Variants in EYS observed in about 807,000 individuals in gnomAD.
EYS encodes the protein protein eyes shut homolog.
Under a neutral mutation model 282.1 loss-of-function variants are expected in EYS, and 250 were observed. The ratio of observed to expected loss-of-function variants is 0.89; its 90% CI spans 0.80 to 0.98. The LOEUF is 0.98. Ranked by LOEUF, EYS falls within the 50% of genes least tolerant of loss-of-function variation. The pLI is 0.00. For missense variants in EYS, 4,016 were observed against 3,709.0 expected (o/e 1.08, Z -2.15); for synonymous variants, 1,355 against 1,282.9 (o/e 1.06, Z -1.20).
At chr6:65,098,153 C>T (rs1774793515) in intron 12 of EYS, among the ~76,000 whole-genome samples, 1 of 149,984 alleles carries the variant, frequency 6.7e-6, no homozygotes, top group African/African-American at 2.4e-5. Flanking sequence ...AAGGAAGAGG[C>T]GCAATATAAG....
chr6:65,355,474 A>C (rs1764445086), intron 8 of EYS, among the ~76,000 whole-genome samples: 1 of 152,164 alleles, frequency 6.6e-6, no homozygotes, highest in East Asian at 1.9e-4. Flanking sequence ...AACAAATAAG[A>C]CTTGATTAAC....
intron 7 of EYS, among the ~76,000 whole-genome samples, chr6:65,385,417 G>C (rs1384175937): frequency 1.3e-5 from 2 of 151,962 alleles, no homozygotes; most frequent in African/African-American, 4.8e-5. Flanking sequence ...CTTTCCTATA[G>C]TTTGAGGCAC....
chr6:64,223,263 T>C (rs1766156203), intron 31 of EYS, among the ~76,000 whole-genome samples: 1 of 152,064 alleles, frequency 6.6e-6, no homozygotes, highest in African/African-American at 2.4e-5. Context: ...TGATATTTTC[T>C]ACTTTCCATT....
Position 64,214,628 on chromosome 6 carries a change from G to C in EYS, c.6424+15964C>G, listed in dbSNP as rs528989653. Among the ~76,000 whole-genome samples, 658 of 152,000 alleles carry C rather than the reference G, an allele frequency of 4.3e-3. 6 individuals are homozygous for C. Among genetic ancestry groups the C allele is most frequent in the Non-Finnish European group, 7.1e-3 (484 of 67,886 alleles). On this transcript the variant is annotated intron_variant, in intron 31 of 42. Transcript: ENST00000503581. The stretch of plus-strand genomic sequence containing the variant: ...CATATTAATGTCTACACAGATTAAA[G>C]ATGTATTTAAGTAAATAAAATACCA...
chr6:65,318,257 C>T (rs908932487), intron 11 of EYS, among the ~76,000 whole-genome samples: 2 of 151,804 alleles, frequency 1.3e-5, no homozygotes, highest in Non-Finnish European at 2.9e-5. Flanking sequence ...CCCCTTCTCA[C>T]TCCTCTTTTC....
chr6:64,586,547 T>A (rs1450196953), intron 26 of EYS, among the ~76,000 whole-genome samples: 3 of 151,914 alleles, frequency 2.0e-5, no homozygotes, highest in South Asian at 4.1e-4. Flanking sequence ...TATTAATAGA[T>A]GCCAAAAAGA....
intron 2 of EYS, among the ~76,000 whole-genome samples, chr6:65,503,374 G>T (rs1766532755): frequency 6.6e-6 from 1 of 151,574 alleles, no homozygotes; most frequent in Non-Finnish European, 1.5e-5. Flanking sequence ...TCCTTTATCA[G>T]ATATGTGTTT....
rs1464949073 is a variant in EYS at position 65,237,554 on chromosome 6, G to C, written c.2023+58309C>G. ...AAGAAATACTCCAGCCTGGGTGACAGAGTAAGACCCTGTCTCAATCAATCA... is the reference window on the plus strand; with the variant it reads ...AAGAAATACTCCAGCCTGGGTGACACAGTAAGACCCTGTCTCAATCAATCA... On this transcript the variant is annotated intron_variant, in intron 12 of 42. Transcript: ENST00000503581. 2.0e-5 allele frequency among the ~76,000 whole-genome samples: 3 copies of C among 151,944 alleles called. No individual in the cohort carries two copies. The East Asian group carries it at 5.8e-4, about 29-fold the overall frequency.
intron 30 of EYS, among the ~76,000 whole-genome samples, chr6:64,294,071 G>T (rs893478680): frequency 7.6e-6 from 1 of 130,926 alleles, no homozygotes; most frequent in Non-Finnish European, 1.6e-5. Flanking sequence ...AATAGAGATA[G>T]AAAATGCTAT....
chr6:65,067,655 A>G (rs1417866575), intron 12 of EYS, among the ~76,000 whole-genome samples: 1 of 152,072 alleles, frequency 6.6e-6, no homozygotes, highest in Non-Finnish European at 1.5e-5. Flanking sequence ...AGAGACACCT[A>G]AAAAATAGAA....
At chr6:64,900,345 C>T (rs1767616732) in intron 18 of EYS, among the ~76,000 whole-genome samples, 1 of 152,042 alleles carries the variant, frequency 6.6e-6, no homozygotes, top group South Asian at 2.1e-4. Flanking sequence ...ACTAAAACAC[C>T]AAAAGCAATG....
intron 27 of EYS, 66 bp downstream of exon 27, chr6:64,439,096 C>G: frequency 3.6e-6 from 3 of 823,886 alleles, no homozygotes; most frequent in African/African-American, 1.8e-5. Context: ...TTGAAAATAA[C>G]CAATGAAGCA....
At chr6:65,222,462 C>T (rs1191376739) in intron 12 of EYS, among the ~76,000 whole-genome samples, 1 of 152,188 alleles carries the variant, frequency 6.6e-6, no homozygotes, top group African/African-American at 2.4e-5. Flanking sequence ...GCTTTTCCTT[C>T]ATCTTCTGCC....
intron 12 of EYS, among the ~76,000 whole-genome samples, chr6:65,193,775 CA>C (rs1765698931): frequency 6.6e-6 from 1 of 151,530 alleles, no homozygotes; most frequent in African/African-American, 2.4e-5. Context: ...GTAAAGAAAA[CA>C]ATAACAATTG....
chr6:64,114,492 A>G (rs1773311220), intron 31 of EYS, among the ~76,000 whole-genome samples: 1 of 152,190 alleles, frequency 6.6e-6, no homozygotes, highest in South Asian at 2.1e-4. Flanking sequence ...TCAAGAACCT[A>G]TAGCAGCACA....
At chr6:64,378,979 T>G (rs1772656040) in intron 29 of EYS, among the ~76,000 whole-genome samples, 1 of 152,206 alleles carries the variant, frequency 6.6e-6, no homozygotes, top group Admixed American at 6.5e-5. Context: ...TCAGTTTCTG[T>G]CTTCGAAGGA....
chr6:64,045,191 C>A (rs1046102660), intron 33 of EYS, among the ~76,000 whole-genome samples: 1 of 151,850 alleles, frequency 6.6e-6, no homozygotes, highest in Non-Finnish European at 1.5e-5. Context: ...AGGCACTTGC[C>A]ATCTGATAAT....
Position 65,353,571 on chromosome 6 carries a change from T to C in EYS, c.1346A>G (p.Lys449Arg). ...GCTKNPCWFL[K>R]NVYLIHQHLC... ...GTGTTGATGAATTAGGTAAACATTC[T>C]TCAAAAACCAACATGGATTTTTTGT... The change falls in exon 9 of 43, where the codon AAG becomes AGG. Residue 449 changes from lysine to arginine, a missense_variant. By Grantham distance (26) the Lys-to-Arg change is conservative. Transcript: ENST00000503581. 2 of 1,613,132 alleles carry C rather than the reference T, an allele frequency of 1.2e-6. No individual in the cohort carries two copies. Among genetic ancestry groups the C allele is most frequent in the East Asian group, 2.2e-5 (1 of 44,694 alleles).
chr6:63,853,152 G>C (rs1281821057), intron 36 of EYS, among the ~76,000 whole-genome samples: 1 of 152,144 alleles, frequency 6.6e-6, no homozygotes, highest in Non-Finnish European at 1.5e-5. Context: ...GCAAGAGAAA[G>C]AAATAATGGG....
Sources: allele counts gnomAD v4.1 joint callset (sites outside exome capture counted in the v4.1 genomes callset), GRCh38; gene constraint gnomAD v4.1.1; transcripts MANE v1.5; gene names NCBI Gene and HGNC (gene_info 2026-07-23, HGNC 2026-07-21).